KCNB2: variants seen among roughly 807,000 people sequenced by gnomAD.
The protein encoded by KCNB2 is potassium voltage-gated channel subfamily B member 2.
Under a neutral mutation model 61.5 loss-of-function variants are expected in KCNB2, and 15 were observed. The ratio of observed to expected loss-of-function variants is 0.24; its 90% CI spans 0.16 to 0.38. The LOEUF (loss-of-function observed/expected upper bound fraction) is 0.38. KCNB2 is among the 10% of genes least tolerant of loss of function. The pLI is 1.00. For synonymous variants in KCNB2, 457 were observed against 446.0 expected (o/e 1.02, Z -0.31); for missense variants, 828 against 1,125.2 (o/e 0.74, Z 3.78).
intron 2 of KCNB2, among the ~76,000 whole-genome samples, chr8:72,783,338 T>A (rs1458969318): frequency 6.6e-6 from 1 of 152,106 alleles, no homozygotes; most frequent in Non-Finnish European, 1.5e-5. Flanking sequence ...GGCTACAAGG[T>A]CTTGCAAGAC....
intron 1 of KCNB2, among the ~76,000 whole-genome samples, chr8:72,561,725 A>ATATATC: frequency 3.5e-5 from 1 of 28,330 alleles, no homozygotes; most frequent in African/African-American, 2.2e-4. Context: ...ATATATATAT[A>ATATATC]TATCTATATC....
chr8:72,936,789 A>G lies in KCNB2; in HGVS notation c.1434A>G (p.Thr478=). The stretch of plus-strand genomic sequence containing the variant: ...AGAAGGCCGGAGAGTCCGCCAACAC[A>G]AAGGACTCCGCCGACGATAATCACC... ...AVEKAGESAN[T]KDSADDNHLS... is the part of the protein sequence containing the mutation. Residue 478 remains threonine (T), a synonymous_variant, in exon 3 of 3, where the codon ACA becomes ACG. Coordinates refer to ENST00000523207, the MANE Select transcript of KCNB2 (RefSeq NM_004770.3). The surrounding 1 kb of genome is among the most constrained non-coding windows in gnomAD (Gnocchi z 5.6). 1.2e-6 allele frequency: 2 copies of G among 1,614,162 alleles called. No homozygotes were observed.
chr8:72,697,418 C>T (rs1033933755), intron 2 of KCNB2, among the ~76,000 whole-genome samples: 2 of 152,146 alleles, frequency 1.3e-5, no homozygotes, highest in South Asian at 2.1e-4. Flanking sequence ...TGCTCACATG[C>T]TATTCAACAA....
chr8:72,628,330 G>A (rs569325428), intron 2 of KCNB2, among the ~76,000 whole-genome samples: 1 of 151,984 alleles, frequency 6.6e-6, no homozygotes, highest in African/African-American at 2.4e-5. Context: ...AGGAATGTGT[G>A]TGTATGTGTG....
chr8:72,919,434 TGG>T (rs1432684845), intron 2 of KCNB2, among the ~76,000 whole-genome samples: 2 of 152,226 alleles, frequency 1.3e-5, no homozygotes, highest in Admixed American at 1.3e-4. Context: ...GTTTTTAAAC[TGG>T]GACTGATTCA....
chr8:72,694,982 G>A (rs909080779), intron 2 of KCNB2, among the ~76,000 whole-genome samples: 9 of 151,874 alleles, frequency 5.9e-5, no homozygotes, highest in African/African-American at 1.9e-4. Context: ...ATTAACTGTA[G>A]GTTATTAGCT....
intron 2 of KCNB2, among the ~76,000 whole-genome samples, chr8:72,894,135 T>A (rs1194365868): frequency 6.6e-6 from 1 of 152,154 alleles, no homozygotes; most frequent in Admixed American, 6.5e-5. Flanking sequence ...CACTTGAGCA[T>A]GTAACCTGAG....
chr8:72,636,555 A>G (rs1252183019), intron 2 of KCNB2, among the ~76,000 whole-genome samples: 1 of 152,108 alleles, frequency 6.6e-6, no homozygotes, highest in Non-Finnish European at 1.5e-5. Flanking sequence ...TGGCAATATT[A>G]TGGTAGATAG....
chr8:72,849,729 T>C (rs1810060415), intron 2 of KCNB2, among the ~76,000 whole-genome samples: 1 of 152,216 alleles, frequency 6.6e-6, no homozygotes, highest in African/African-American at 2.4e-5. Context: ...AAGCAGGAGC[T>C]CTCCTGGTAT....
intron 2 of KCNB2, among the ~76,000 whole-genome samples, chr8:72,837,605 A>T (rs757104266): frequency 6.6e-6 from 1 of 152,186 alleles, no homozygotes; most frequent in South Asian, 2.1e-4. Context: ...AATCCCACCA[A>T]TTAGGAATCC....
chr8:72,740,634 C>T (rs1807936748), intron 2 of KCNB2, among the ~76,000 whole-genome samples: 1 of 152,138 alleles, frequency 6.6e-6, no homozygotes. Context: ...TGGAGAAATA[C>T]AATCTTGACT....
chr8:72,909,058 G>A (rs1420164518), intron 2 of KCNB2, among the ~76,000 whole-genome samples: 1 of 152,176 alleles, frequency 6.6e-6, no homozygotes, highest in Non-Finnish European at 1.5e-5. Flanking sequence ...ACCAAGTCCT[G>A]GGGATAGAAG....
At chr8:72,896,317 C>T (rs1181861353) in intron 2 of KCNB2, among the ~76,000 whole-genome samples, 1 of 152,072 alleles carries the variant, frequency 6.6e-6, no homozygotes, top group Non-Finnish European at 1.5e-5. Flanking sequence ...GGCATTTGTC[C>T]CTCTCTAAAT....
At chr8:72,795,578 T>C (rs1809018711) in intron 2 of KCNB2, among the ~76,000 whole-genome samples, 1 of 152,224 alleles carries the variant, frequency 6.6e-6, no homozygotes, top group African/African-American at 2.4e-5. Flanking sequence ...GAAATCGGAT[T>C]ACAGTTACCT....
At chr8:72,795,371 G>A in intron 2 of KCNB2, among the ~76,000 whole-genome samples, 1 of 152,210 alleles carries the variant, frequency 6.6e-6, no homozygotes, top group Non-Finnish European at 1.5e-5. Context: ...GACTAGGGGA[G>A]CAACTCCACA....
At chr8:72,565,803 C>T (rs1563524685) in intron 1 of KCNB2, among the ~76,000 whole-genome samples, 1 of 152,176 alleles carries the variant, frequency 6.6e-6, no homozygotes, top group Non-Finnish European at 1.5e-5. Context: ...TTGGTCAGCT[C>T]TCTTGTGGAA....
chr8:72,804,382 A>G (rs1809183076), intron 2 of KCNB2, among the ~76,000 whole-genome samples: 1 of 152,168 alleles, frequency 6.6e-6, no homozygotes, highest in Admixed American at 6.5e-5. Context: ...ATTTTGCATT[A>G]TAAAGTATCA....
intron 1 of KCNB2, among the ~76,000 whole-genome samples, chr8:72,539,204 T>A (rs1301109870): frequency 6.6e-6 from 1 of 152,184 alleles, no homozygotes; most frequent in Non-Finnish European, 1.5e-5. Flanking sequence ...GTTTAGTAAT[T>A]TGGCACATTA....
At chr8:72,654,342 T>G (rs1177908502) in intron 2 of KCNB2, among the ~76,000 whole-genome samples, 1 of 152,218 alleles carries the variant, frequency 6.6e-6, no homozygotes, top group East Asian at 1.9e-4. Flanking sequence ...ATAAGCATTA[T>G]CTTACATTTT....
Sources: gnomAD v4.1 joint callset for allele counts (sites outside exome capture counted in the v4.1 genomes callset) on GRCh38, gnomAD v4.1.1 for gene constraint, Gnocchi (gnomAD v3.1) non-coding constraint, MANE v1.5 for transcripts, NCBI Gene and HGNC (gene_info 2026-07-23, HGNC 2026-07-21) for gene names.